PHACTR1: variants seen among roughly 807,000 people sequenced by gnomAD.
PHACTR1 encodes the protein RPEL repeat containing 1.
In PHACTR1, 16 loss-of-function variants were observed where a neutral mutation model predicts 69.2. That is an observed-to-expected ratio of 0.23 (90% CI 0.16 to 0.35). The LOEUF (loss-of-function observed/expected upper bound fraction) is 0.35, where lower values mean the gene tolerates loss of function less well. Among genes scored for constraint, PHACTR1 ranks in the 10% least tolerant of loss-of-function variants. PHACTR1 has a pLI of 1.00. For missense variants in PHACTR1, 510 were observed against 734.7 expected (o/e 0.69, Z 3.54); for synonymous variants, 312 against 284.5 (o/e 1.10, Z -0.97).
chr6:12,787,306 G>A (rs1211444570), intron 4 of PHACTR1, among the ~76,000 whole-genome samples: 2 of 152,214 alleles, frequency 1.3e-5, no homozygotes, highest in African/African-American at 4.8e-5. Flanking sequence ...TTAAAAGCAA[G>A]TGTAAAGCAT....
chr6:12,954,669 A>C (rs943641874), intron 4 of PHACTR1, among the ~76,000 whole-genome samples: 3 of 152,200 alleles, frequency 2.0e-5, no homozygotes, highest in Non-Finnish European at 2.9e-5. Flanking sequence ...TTGATGTTTT[A>C]ATGTTCATGA....
chr6:13,027,260 T>C (rs1801827054), intron 4 of PHACTR1, among the ~76,000 whole-genome samples: 1 of 152,218 alleles, frequency 6.6e-6, no homozygotes, highest in Non-Finnish European at 1.5e-5. Context: ...TCTTTCTTTG[T>C]CCTGCAAAAG....
Position 12,791,870 on chromosome 6 carries a change from T to C in PHACTR1, c.250+42080T>C, listed in dbSNP as rs112524682. 9.3e-3 allele frequency among the ~76,000 whole-genome samples: 1,421 copies of C among 152,200 alleles called. 18 individuals are homozygous for C. The highest frequency in any genetic ancestry group is 0.032 in the African/African-American group (1,344 of 41,540). ...CCCCGCTTGCCTGAGGGTTGCACCA[T>C]AGTGGGGAAAGCAGACGGTAAATAC... is the stretch of plus-strand genomic sequence containing the variant. On this transcript the variant is annotated intron_variant, in intron 4 of 14. Coordinates refer to ENST00000332995, the MANE Select transcript of PHACTR1 (RefSeq NM_030948.6).
At chr6:13,208,829 A>G (rs931425395) in intron 8 of PHACTR1, among the ~76,000 whole-genome samples, 5 of 152,170 alleles carry the variant, frequency 3.3e-5, no homozygotes, top group Non-Finnish European at 5.9e-5. Flanking sequence ...TATTTGCGGG[A>G]TATTTCAGTT....
chr6:12,950,870 C>T (rs1003586708), intron 4 of PHACTR1, among the ~76,000 whole-genome samples: 3 of 152,194 alleles, frequency 2.0e-5, no homozygotes, highest in Non-Finnish European at 4.4e-5. Context: ...TACCTTGTAA[C>T]ACCTCATTCA....
chr6:13,164,409 C>T (rs1290799178), intron 6 of PHACTR1, among the ~76,000 whole-genome samples: 1 of 152,148 alleles, frequency 6.6e-6, no homozygotes, highest in African/African-American at 2.4e-5. Context: ...CTTGTGTTAG[C>T]GCACATGACT....
intron 3 of PHACTR1, among the ~76,000 whole-genome samples, chr6:12,732,332 G>T (rs1763646531): frequency 6.6e-6 from 1 of 151,084 alleles, no homozygotes; most frequent in Non-Finnish European, 1.5e-5. Flanking sequence ...TGCTGTTTAA[G>T]ACATTTTCAT....
At chr6:13,240,653 G>T (rs977059467) in intron 10 of PHACTR1, among the ~76,000 whole-genome samples, 2 of 152,066 alleles carry the variant, frequency 1.3e-5, no homozygotes, top group South Asian at 2.1e-4. Flanking sequence ...TGACCTGTTG[G>T]TTGGGCTGGT....
At chr6:12,958,431 T>C (rs1033689252) in intron 4 of PHACTR1, among the ~76,000 whole-genome samples, 2 of 152,082 alleles carry the variant, frequency 1.3e-5, no homozygotes, top group Non-Finnish European at 2.9e-5. Context: ...GGAAAGTGGG[T>C]TCAGGGAGAA....
At chr6:12,894,728 C>G (rs1784485833) in intron 4 of PHACTR1, among the ~76,000 whole-genome samples, 1 of 152,078 alleles carries the variant, frequency 6.6e-6, no homozygotes, top group Non-Finnish European at 1.5e-5. Flanking sequence ...TCTGTTAGAG[C>G]TATAAGACAT....
At chr6:13,041,838 C>G (rs1190343504) in intron 4 of PHACTR1, among the ~76,000 whole-genome samples, 2 of 152,182 alleles carry the variant, frequency 1.3e-5, no homozygotes, top group Non-Finnish European at 2.9e-5. Flanking sequence ...TGATACGTCT[C>G]TAGACTCAGT....
At chr6:13,208,627 G>GCCCT (rs138524215) in intron 8 of PHACTR1, among the ~76,000 whole-genome samples, 2,205 of 141,264 alleles carry the variant, frequency 0.016, 36 homozygotes, top group East Asian at 0.078. Flanking sequence ...CGTCATTGCT[G>GCCCT]CCCACCCCCC....
intron 4 of PHACTR1, among the ~76,000 whole-genome samples, chr6:13,005,440 A>G (rs1798671778): frequency 6.6e-6 from 1 of 152,000 alleles, no homozygotes. Context: ...CTTTTGATTT[A>G]CCCTTTGATT....
At chr6:12,898,483 A>G (rs1273696487) in intron 4 of PHACTR1, among the ~76,000 whole-genome samples, 1 of 152,180 alleles carries the variant, frequency 6.6e-6, no homozygotes, top group Non-Finnish European at 1.5e-5. Context: ...CCAAGAGCCT[A>G]TTTGCCAAAC....
At chr6:12,857,131 C>T (rs1267193722) in intron 4 of PHACTR1, among the ~76,000 whole-genome samples, 1 of 152,152 alleles carries the variant, frequency 6.6e-6, no homozygotes, top group Non-Finnish European at 1.5e-5. Context: ...TGTAGTAAAT[C>T]AAATGCTCAT....
At chr6:12,879,237 A>G (rs1423713250) in intron 4 of PHACTR1, among the ~76,000 whole-genome samples, 1 of 152,186 alleles carries the variant, frequency 6.6e-6, no homozygotes, top group Non-Finnish European at 1.5e-5. Context: ...GCAGACGGGG[A>G]AAGGATAGAC....
Position 12,881,561 on chromosome 6 carries a change from T to C in PHACTR1, c.250+131771T>C, listed in dbSNP as rs980798471. ...CTTATCATTCAGGGATTAGCTCTAG[T>C]GTCACCTCTTAAGACCCTCTTCCCT... On this transcript the variant is annotated intron_variant, in intron 4 of 14. Coordinates refer to ENST00000332995, the MANE Select transcript of PHACTR1 (RefSeq NM_030948.6). Among the ~76,000 whole-genome samples, 3 of 152,116 alleles carry C rather than the reference T, an allele frequency of 2.0e-5. No homozygotes were observed. In the East Asian group the frequency reaches 5.8e-4, roughly 29 times the overall value.
chr6:13,107,742 C>A (rs1321089221), intron 5 of PHACTR1, among the ~76,000 whole-genome samples: 1 of 152,004 alleles, frequency 6.6e-6, no homozygotes, highest in African/African-American at 2.4e-5. Context: ...TCCTGATATT[C>A]ATAATTTTTA....
At chr6:13,196,029 GCTT>G (rs1764360807) in intron 7 of PHACTR1, among the ~76,000 whole-genome samples, 1 of 149,414 alleles carries the variant, frequency 6.7e-6, no homozygotes, top group Non-Finnish European at 1.5e-5. Flanking sequence ...GGTCGTTTTT[GCTT>G]CTTCCACTCC....
Sources: allele counts gnomAD v4.1 joint callset (sites outside exome capture counted in the v4.1 genomes callset), GRCh38; gene constraint gnomAD v4.1.1; transcripts MANE v1.5; gene names NCBI Gene and HGNC (gene_info 2026-07-23, HGNC 2026-07-21).